Variants in DGKD observed in about 807,000 individuals in gnomAD.
The protein encoded by DGKD is diacylglycerol kinase delta.
A neutral mutation model predicts 154.4 loss-of-function variants in DGKD; 68 were observed. The observed-to-expected ratio is 0.44, with a 90% CI of 0.36 to 0.54. DGKD has a LOEUF of 0.54. Ranked by LOEUF, DGKD falls within the 20% of genes least tolerant of loss-of-function variation. The pLI is 0.00. For missense variants in DGKD, 1,343 were observed against 1,593.6 expected (o/e 0.84, Z 2.68); for synonymous variants, 693 against 638.0 (o/e 1.09, Z -1.30).
Position 233,385,134 on chromosome 2 carries a change from T to C in DGKD, c.157-3123T>C, listed in dbSNP as rs143817561. On this transcript the variant is annotated intron_variant, in intron 1 of 29. Transcript: ENST00000264057. ...TTCAGACAGAGTCCATTCTGGACTT[T>C]CCCTGCCTCCTGGTTTGAAGCCCTT... is the stretch of plus-strand genomic sequence containing the variant. 7.3e-3 allele frequency among the ~76,000 whole-genome samples: 1,111 copies of C among 152,276 alleles called. 9 individuals carry two copies. Among genetic ancestry groups the C allele is most frequent in the African/African-American group, 0.025 (1,052 of 41,554 alleles).
chr2:233,391,897 T>G (rs1278336233), intron 3 of DGKD, among the ~76,000 whole-genome samples: 2 of 152,244 alleles, frequency 1.3e-5, no homozygotes, highest in Admixed American at 6.5e-5. Flanking sequence ...CTCTATTAAT[T>G]TATTTTTACC....
chr2:233,434,516 C>T (rs1473122513), intron 4 of DGKD, 32 bp downstream of exon 4: 3 of 1,585,176 alleles, frequency 1.9e-6, no homozygotes, highest in Non-Finnish European at 2.6e-6. Context: ...CTCCAAATGC[C>T]TCCTGTTGCC....
intron 3 of DGKD, among the ~76,000 whole-genome samples, chr2:233,416,050 G>A (rs189363783): frequency 5.3e-5 from 8 of 152,254 alleles, no homozygotes; most frequent in Non-Finnish European, 7.4e-5. Flanking sequence ...CAGTTTTCCC[G>A]GCTGCTTGTG....
chr2:233,354,648 TC>T lies in DGKD; in HGVS notation c.132del (p.Thr45ArgfsTer16). 2 of 1,095,782 alleles carry T rather than the reference TC, an allele frequency of 1.8e-6. No homozygotes were observed. Among genetic ancestry groups the T allele is most frequent in the Non-Finnish European group, 2.2e-6 (2 of 889,728 alleles). The allele number at this position is 1,095,782 out of a possible 1,614,324, so 67.9% of individuals were successfully genotyped here. A position where few individuals can be genotyped will look rare whatever the true frequency, so the allele number is the denominator to read the frequency against. On this transcript the variant is annotated frameshift_variant, in exon 1 of 30. Transcript: ENST00000264057. LOFTEE classifies it high-confidence loss of function. The surrounding 1 kb of genome is among the most constrained non-coding windows in gnomAD (Gnocchi z 4.8). ...GSPQKLIRKVSTSGQIRQKTI... is the reference protein window; with the variant it reads ...GSPQKLIRKVXTSGQIRQKTI... ...CCCACAGAAGCTCATCCGCAAGGTG[TC>T]CACGTCGGGTCAGATCCGACAGAAG...
intron 3 of DGKD, among the ~76,000 whole-genome samples, chr2:233,409,711 G>A (rs1267374799): frequency 1.3e-5 from 2 of 149,512 alleles, no homozygotes; most frequent in East Asian, 3.9e-4. Flanking sequence ...TATTGACCCA[G>A]TCCTTCCTCC....
rs531832911 is a variant in DGKD, at chr2:233,458,219, G to A, written c.2581-65G>A. The stretch of plus-strand genomic sequence containing the variant: ...GCTGACCCCCAGAGGGAGGGAGTGA[G>A]GGTAGGGGCGGCCTGTGCTCGGGGA... On this transcript the variant is annotated intron_variant, in intron 21 of 29. Transcript: ENST00000264057. The surrounding 1 kb of genome is among the most constrained non-coding windows in gnomAD (Gnocchi z 6.6). 9.3e-7 allele frequency: 1 copy of A among 1,078,174 alleles called. No individual in the cohort carries two copies. Among genetic ancestry groups the A allele is most frequent in the Non-Finnish European group, 1.4e-6 (1 of 712,808 alleles). The allele number at this position is 1,078,174 out of a possible 1,614,324, so 66.8% of individuals were successfully genotyped here.
chr2:233,379,105 G>A (rs1169733294), intron 1 of DGKD, among the ~76,000 whole-genome samples: 1 of 152,190 alleles, frequency 6.6e-6, no homozygotes, highest in African/African-American at 2.4e-5. Context: ...GGGACTGTTG[G>A]TCTGGGGAGG....
At chr2:233,439,552 T>C (rs375014951) in intron 9 of DGKD, among the ~76,000 whole-genome samples, 5 of 152,280 alleles carry the variant, frequency 3.3e-5, no homozygotes, top group African/African-American at 1.2e-4. Context: ...CTGATCAAGA[T>C]ATTTTAATTT....
At chr2:233,383,578 C>T (rs556281537) in intron 1 of DGKD, among the ~76,000 whole-genome samples, 84 of 152,294 alleles carry the variant, frequency 5.5e-4, no homozygotes, top group Middle Eastern at 3.4e-3. Context: ...AATTCTCTGT[C>T]GTCTGCTGGA....
chr2:233,451,042 T>C lies in DGKD; in HGVS notation c.2159T>C (p.Leu720Pro). The change falls in exon 17 of 30, where the codon CTG becomes CCG. Residue 720 changes from leucine (L) to proline (P), a missense_variant. Leu to Pro is a moderately conservative substitution (Grantham distance 98). Transcript: ENST00000264057. The stretch of plus-strand genomic sequence containing the variant: ...CTGCCTGCGCTCAACACCAAGATCC[T>C]GTACCCAAGTGAGTGGCGGCCAGCA... ...DGLPALNTKI[L>P]YPNVRAGMSG... is the part of the protein sequence containing the mutation. 2 of 1,604,274 alleles carry C rather than the reference T, an allele frequency of 1.2e-6. No homozygotes were observed.
chr2:233,418,869 G>A (rs1431027761), intron 3 of DGKD, among the ~76,000 whole-genome samples: 1 of 152,222 alleles, frequency 6.6e-6, no homozygotes, highest in Non-Finnish European at 1.5e-5. Flanking sequence ...CTGACACAGT[G>A]CTGTGCGGAG....
intron 3 of DGKD, among the ~76,000 whole-genome samples, chr2:233,393,765 C>G (rs1703808057): frequency 6.7e-6 from 1 of 149,360 alleles, no homozygotes; most frequent in Admixed American, 6.7e-5. Flanking sequence ...CTCTCTGCAG[C>G]CTCCGCCTCC....
At chr2:233,412,508 A>G (rs2061853727) in intron 3 of DGKD, among the ~76,000 whole-genome samples, 1 of 150,868 alleles carries the variant, frequency 6.6e-6, no homozygotes, top group South Asian at 2.1e-4. Context: ...GATTCCCTAG[A>G]AAGTTCTATA....
chr2:233,446,570 CAG>C, intron 11 of DGKD, 140 bp from the exon 12 acceptor site: 1 of 733,600 alleles, frequency 1.4e-6, no homozygotes, highest in Non-Finnish European at 2.2e-6. Context: ...AGTTATGGGA[CAG>C]AGTCAAGACC....
chr2:233,464,871 T>C (rs991285255), intron 27 of DGKD, among the ~76,000 whole-genome samples: 23 of 152,358 alleles, frequency 1.5e-4, no homozygotes, highest in African/African-American at 5.0e-4. Flanking sequence ...TTGGCTTCCC[T>C]GCTTCAGAGA....
Position 233,435,821 on chromosome 2 carries a change from G to A in DGKD, c.590G>A (p.Cys197Tyr). 6.2e-7 allele frequency: 1 copy of A among 1,610,402 alleles called. No individual in the cohort carries two copies. Among genetic ancestry groups the A allele is most frequent in the Non-Finnish European group, 8.5e-7 (1 of 1,178,312 alleles). Residue 197 changes from cysteine (C) to tyrosine (Y), a missense_variant, in exon 6 of 30, where the codon TGC becomes TAC. This residue lies in a region of DGKD where 332 missense variants were observed against 400.1 expected (regional missense o/e 0.83). Coordinates refer to ENST00000264057, the MANE Select transcript of DGKD (RefSeq NM_152879.3). ...VTSHGLSCEV[C>Y]KFKAHKRCAV... is the part of the protein sequence containing the mutation. ...TCATGTGCCCCTTCTCTCACAGTGT[G>A]CAAATTTAAGGCCCACAAGCGCTGT...
Position 233,386,080 on chromosome 2 carries a change from G to T in DGKD, c.157-2177G>T, listed in dbSNP as rs189582720. 1.2e-3 allele frequency: 499 copies of T among 428,094 alleles called. 2 individuals carry two copies. Among genetic ancestry groups the T allele is most frequent in the African/African-American group, 7.8e-3 (381 of 48,828 alleles). 26.5% of individuals were successfully genotyped at this position (428,094 alleles called of 1,614,324 possible). A position where few individuals can be genotyped will look rare whatever the true frequency, so the allele number is the denominator to read the frequency against. On this transcript the variant is annotated intron_variant, in intron 1 of 29. Coordinates refer to ENST00000264057, the MANE Select transcript of DGKD (RefSeq NM_152879.3). ...TTTATGTATGAGATGTGTAGCAGGA[G>T]ATGCAAGAAAAAATACTCCAGCATC...
At chr2:233,370,463 C>T (rs1438631448) in intron 1 of DGKD, among the ~76,000 whole-genome samples, 8 of 152,038 alleles carry the variant, frequency 5.3e-5, no homozygotes, top group Non-Finnish European at 1.0e-4. Flanking sequence ...GTGATCTGAC[C>T]GCCCTGGCCT....
At chr2:233,414,618 T>G (rs2061912527) in intron 3 of DGKD, among the ~76,000 whole-genome samples, 1 of 152,138 alleles carries the variant, frequency 6.6e-6, no homozygotes, top group African/African-American at 2.4e-5. Context: ...ATGTCTCAGG[T>G]ATCGTGGTCC....
Sources: allele counts gnomAD v4.1 joint callset (sites outside exome capture counted in the v4.1 genomes callset), GRCh38; gene constraint gnomAD v4.1.1; regional missense constraint gnomAD v4.1.1; non-coding constraint Gnocchi (gnomAD v3.1); transcripts MANE v1.5; gene names NCBI Gene and HGNC (gene_info 2026-07-23, HGNC 2026-07-21).